The following DACH2 variants were observed in gnomAD, a reference collection of about 807,000 sequenced individuals.
DACH2 encodes the protein dachshund family transcription factor 2, also known as dachshund homolog 2.
DACH2 carries 17 observed loss-of-function variants against 35.8 expected under a neutral mutation model. The observed-to-expected ratio is 0.48, with a 90% CI of 0.33 to 0.71. The LOEUF (loss-of-function observed/expected upper bound fraction) is 0.71, where lower values mean the gene tolerates loss of function less well. Among genes scored for constraint, DACH2 ranks in the 30% least tolerant of loss-of-function variants. The pLI is 0.02. For synonymous variants in DACH2, 195 were observed against 177.3 expected (o/e 1.10, Z -0.79); for missense variants, 469 against 472.7 (o/e 0.99, Z 0.07).
At chrX:86,296,435 C>T (rs1039302747) in intron 1 of DACH2, among the ~76,000 whole-genome samples, 4 of 101,464 alleles carry the variant, frequency 3.9e-5, no homozygotes, top group Admixed American at 1.0e-4. Context: ...TAGTTCATGA[C>T]ATATTTGATA....
At chrX:86,296,583 T>C (rs2034467372) in intron 1 of DACH2, among the ~76,000 whole-genome samples, 1 of 111,056 alleles carries the variant, frequency 9.0e-6, no homozygotes, top group Admixed American at 9.6e-5. Flanking sequence ...GAGGATAATC[T>C]TATTTTTTCA....
intron 2 of DACH2, among the ~76,000 whole-genome samples, chrX:86,384,986 C>T (rs770530215): frequency 9.0e-6 from 1 of 111,567 alleles, no homozygotes; most frequent in African/African-American, 3.2e-5. Flanking sequence ...AATACTTTTT[C>T]TGAAATATAT....
At chrX:86,728,473 C>A (rs746598805) in intron 6 of DACH2, among the ~76,000 whole-genome samples, 59 of 112,641 alleles carry the variant, frequency 5.2e-4, no homozygotes, top group African/African-American at 1.8e-3. Flanking sequence ...TATGGAGCAA[C>A]CATTTGCTAG....
intron 2 of DACH2, among the ~76,000 whole-genome samples, chrX:86,479,510 A>G (rs1029445808): frequency 2.7e-5 from 3 of 111,289 alleles, no homozygotes; most frequent in Non-Finnish European, 5.7e-5. Flanking sequence ...TTGAATGTTG[A>G]TATCTTTCTC....
At position 86,405,935 on chromosome X, in the gene DACH2, G is replaced by A. The variant is rs377404865; in HGVS notation, c.527+29073G>A. On this transcript the variant is annotated intron_variant, in intron 2 of 11. Coordinates refer to ENST00000373125, the MANE Select transcript of DACH2 (RefSeq NM_053281.3). The stretch of plus-strand genomic sequence containing the variant: ...TGGTGGCGGCAAGGAGAAGTGAGGA[G>A]CAATGGGTGGGGAACCCCCTTATGA... 2.1e-4 allele frequency among the ~76,000 whole-genome samples: 23 copies of A among 111,306 alleles called. No individual in the cohort carries two copies. The East Asian group carries it at 5.1e-3, about 25-fold the overall frequency.
intron 1 of DACH2, among the ~76,000 whole-genome samples, chrX:86,251,251 A>T (rs971976282): frequency 2.7e-5 from 3 of 111,779 alleles, no homozygotes; most frequent in African/African-American, 6.5e-5. Flanking sequence ...TCAAAGTTGT[A>T]AAAGCAGCAA....
intron 7 of DACH2, among the ~76,000 whole-genome samples, chrX:86,777,495 T>C (rs931967302): frequency 1.8e-5 from 2 of 111,750 alleles, no homozygotes; most frequent in Admixed American, 9.5e-5. Flanking sequence ...CTTCCTGATA[T>C]TAAGTGACTC....
At chrX:86,488,972 A>T (rs1023715538) in intron 2 of DACH2, among the ~76,000 whole-genome samples, 8 of 111,456 alleles carry the variant, frequency 7.2e-5, no homozygotes, top group African/African-American at 2.0e-4. Context: ...CTCTTATTTC[A>T]ACTCCTGATG....
At chrX:86,806,747 G>A (rs1424528833) in intron 7 of DACH2, among the ~76,000 whole-genome samples, 1 of 112,088 alleles carries the variant, frequency 8.9e-6, no homozygotes, top group Non-Finnish European at 1.9e-5. Flanking sequence ...GAATTTTGAA[G>A]CATTTCAGAT....
At chrX:86,242,942 C>T (rs192298131) in intron 1 of DACH2, among the ~76,000 whole-genome samples, 255 of 111,512 alleles carry the variant, frequency 2.3e-3, no homozygotes, top group African/African-American at 8.0e-3. Flanking sequence ...AGCCATGCTT[C>T]CTGTATAGCC....
chrX:86,643,446 G>A (rs999586955), intron 3 of DACH2, among the ~76,000 whole-genome samples: 2 of 109,437 alleles, frequency 1.8e-5, no homozygotes, highest in East Asian at 2.9e-4. Context: ...GACCAATAAC[G>A]AGCTCTGAAA....
At position 86,758,270 on chromosome X, in the gene DACH2, G is replaced by T. The variant is rs949149167; in HGVS notation, c.1240+18388G>T. ...TTTGCTATTTTTTTCTGGTAATTTG[G>T]GGTTTGGTTTGTTCTTGCTTCTGTA... On this transcript the variant is annotated intron_variant, in intron 7 of 11. Transcript: ENST00000373125. Among the ~76,000 whole-genome samples the T allele has an allele frequency of 2.7e-5, 3 of 111,009 alleles. No homozygotes were observed. The Admixed American group carries it at 2.9e-4, about 11-fold the overall frequency.
chrX:86,631,095 A>G (rs1276560248), intron 3 of DACH2, among the ~76,000 whole-genome samples: 1 of 112,246 alleles, frequency 8.9e-6, no homozygotes, highest in Admixed American at 9.5e-5. Context: ...GTATTTTGTC[A>G]ACTTTTCCCT....
At chrX:86,709,736 G>A (rs112146459) in intron 5 of DACH2, among the ~76,000 whole-genome samples, 7 of 112,025 alleles carry the variant, frequency 6.2e-5, no homozygotes, top group East Asian at 2.8e-4. Flanking sequence ...GACAAAAGTC[G>A]TAAACAGACA....
chrX:86,581,099 A>G (rs763232238), intron 3 of DACH2, among the ~76,000 whole-genome samples: 9 of 111,819 alleles, frequency 8.0e-5, no homozygotes, highest in African/African-American at 2.6e-4. Context: ...TTCTTAAGGA[A>G]AATAAATTCC....
intron 2 of DACH2, among the ~76,000 whole-genome samples, chrX:86,480,335 G>C (rs1288510205): frequency 8.9e-6 from 1 of 111,988 alleles, no homozygotes; most frequent in African/African-American, 3.3e-5. Context: ...TGGATTCTCT[G>C]TCTGTTCTGA....
intron 1 of DACH2, among the ~76,000 whole-genome samples, chrX:86,170,251 C>A (rs1205500232): frequency 9.0e-6 from 1 of 111,695 alleles, no homozygotes; most frequent in Non-Finnish European, 1.9e-5. Flanking sequence ...GACACAAGCA[C>A]CCCTGTTGCC....
chrX:86,819,838 G>A (rs1240227876), intron 11 of DACH2, among the ~76,000 whole-genome samples: 2 of 111,477 alleles, frequency 1.8e-5, no homozygotes, highest in Non-Finnish European at 3.8e-5. Context: ...AACATGAACT[G>A]CTGAACAGAA....
At chrX:86,203,507 A>G (rs1039070979) in intron 1 of DACH2, among the ~76,000 whole-genome samples, 2 of 111,624 alleles carry the variant, frequency 1.8e-5, no homozygotes, top group African/African-American at 3.3e-5. Context: ...AATTGTATTT[A>G]TCATGTACAA....
Sources: allele counts gnomAD v4.1 joint callset (sites outside exome capture counted in the v4.1 genomes callset), GRCh38; gene constraint gnomAD v4.1.1; transcripts MANE v1.5; gene names NCBI Gene and HGNC (gene_info 2026-07-23, HGNC 2026-07-21).